Variants in CDK8 observed in about 807,000 individuals in gnomAD.
CDK8 encodes cyclin dependent kinase 8, also known as cyclin-dependent kinase 8.
CDK8 carries 29 observed loss-of-function variants against 71.5 expected under a neutral mutation model. That is an observed-to-expected ratio of 0.41 (90% CI 0.30 to 0.55). The LOEUF is 0.55. Ranked by LOEUF, CDK8 falls within the 20% of genes least tolerant of loss-of-function variation. The pLI, the probability that CDK8 is intolerant of heterozygous loss-of-function variation, is 0.37. For synonymous variants in CDK8, 161 were observed against 192.1 expected (o/e 0.84, Z 1.34); for missense variants, 288 against 572.6 (o/e 0.50, Z 5.07).
intron 1 of CDK8, among the ~76,000 whole-genome samples, chr13:26,287,892 C>T (rs1385811252): frequency 1.3e-5 from 2 of 152,134 alleles, no homozygotes; most frequent in Admixed American, 6.5e-5. Context: ...TTTCTACTAT[C>T]CTGTGACTTG....
chr13:26,343,177 CATT>C (rs1447127664), intron 2 of CDK8, among the ~76,000 whole-genome samples: 2 of 152,198 alleles, frequency 1.3e-5, no homozygotes, highest in African/African-American at 4.8e-5. Context: ...TAGGCGATCT[CATT>C]GTTCTGCCAT....
At chr13:26,317,346 TAGAC>T (rs1874556984) in intron 1 of CDK8, among the ~76,000 whole-genome samples, 1 of 152,024 alleles carries the variant, frequency 6.6e-6, no homozygotes, top group South Asian at 2.1e-4. Context: ...TAGGGAGAGA[TAGAC>T]AGTTCTGTGA....
At chr13:26,342,711 T>C (rs886903078) in intron 2 of CDK8, among the ~76,000 whole-genome samples, 3 of 152,160 alleles carry the variant, frequency 2.0e-5, no homozygotes, top group Admixed American at 2.0e-4. Context: ...TCTCCTAATA[T>C]GTCTCCCTAA....
chr13:26,269,126 A>G (rs1381383342), intron 1 of CDK8, among the ~76,000 whole-genome samples: 1 of 152,220 alleles, frequency 6.6e-6, no homozygotes, highest in East Asian at 1.9e-4. Context: ...GTTTAACAGA[A>G]GTACTCATTC....
intron 1 of CDK8, among the ~76,000 whole-genome samples, chr13:26,318,246 T>C (rs544214952): frequency 1.3e-5 from 2 of 151,760 alleles, no homozygotes; most frequent in African/African-American, 4.8e-5. Context: ...CATGAAGAAA[T>C]AGAAAATCTG....
At chr13:26,366,801 G>C (rs1288478598) in intron 4 of CDK8, among the ~76,000 whole-genome samples, 1 of 152,124 alleles carries the variant, frequency 6.6e-6, no homozygotes, top group Admixed American at 6.5e-5. Context: ...AAGATAGATT[G>C]CTAATTTTTA....
intron 1 of CDK8, among the ~76,000 whole-genome samples, chr13:26,313,838 C>T (rs1046472107): frequency 2.0e-5 from 3 of 151,946 alleles, no homozygotes; most frequent in African/African-American, 7.3e-5. Context: ...GTGGTGTGGA[C>T]AAGAGGTGAC....
rs371715906 is a variant in CDK8, at chr13:26,308,266, G to A, written c.129-29301G>A. ...GCTGGTGACTACTGTATTGGACAGA[G>A]CAGGCATAGGACATTTCCATCTCTC... On this transcript the variant is annotated intron_variant, in intron 1 of 12. Coordinates refer to ENST00000381527, the MANE Select transcript of CDK8 (RefSeq NM_001260.3). Among the ~76,000 whole-genome samples the A allele has an allele frequency of 1.9e-4, 29 of 152,336 alleles. No homozygotes were observed. The East Asian group carries it at 2.5e-3, about 13-fold the overall frequency.
intron 1 of CDK8, among the ~76,000 whole-genome samples, chr13:26,283,705 C>A (rs992068506): frequency 2.0e-4 from 30 of 152,134 alleles, no homozygotes; most frequent in Admixed American, 1.1e-3. Flanking sequence ...TGAGACCAGC[C>A]TGGCCAATTT....
At chr13:26,293,131 G>T (rs1338923352) in intron 1 of CDK8, among the ~76,000 whole-genome samples, 2 of 151,938 alleles carry the variant, frequency 1.3e-5, no homozygotes, top group Non-Finnish European at 2.9e-5. Context: ...TATTTTCTTT[G>T]TTTCTCTAGA....
chr13:26,364,984 G>A (rs1265369077), intron 4 of CDK8, among the ~76,000 whole-genome samples: 1 of 152,086 alleles, frequency 6.6e-6, no homozygotes, highest in Non-Finnish European at 1.5e-5. Context: ...TGAGAGTTGG[G>A]AACCTGTTAA....
At chr13:26,293,031 G>T (rs1379370258) in intron 1 of CDK8, among the ~76,000 whole-genome samples, 1 of 152,142 alleles carries the variant, frequency 6.6e-6, no homozygotes, top group African/African-American at 2.4e-5. Context: ...TGATTCCATG[G>T]TGTAATGGCA....
At chr13:26,287,692 C>T (rs1413404072) in intron 1 of CDK8, among the ~76,000 whole-genome samples, 2 of 152,224 alleles carry the variant, frequency 1.3e-5, no homozygotes, top group African/African-American at 4.8e-5. Context: ...TGCAACCACA[C>T]ACCGCCTGTT....
intron 1 of CDK8, among the ~76,000 whole-genome samples, chr13:26,324,384 T>C (rs1423947285): frequency 6.6e-6 from 1 of 152,176 alleles, no homozygotes; most frequent in Non-Finnish European, 1.5e-5. Flanking sequence ...ACTAAAAAGA[T>C]AGAAATGTTA....
At chr13:26,290,203 G>A (rs548738032) in intron 1 of CDK8, among the ~76,000 whole-genome samples, 3 of 152,258 alleles carry the variant, frequency 2.0e-5, no homozygotes, top group Admixed American at 1.3e-4. Flanking sequence ...GAGTATAACT[G>A]TATTAAAAAG....
intron 1 of CDK8, among the ~76,000 whole-genome samples, chr13:26,306,566 A>AAG (rs1354218549): frequency 6.6e-6 from 1 of 151,646 alleles, no homozygotes; most frequent in African/African-American, 2.4e-5. Flanking sequence ...GTTCAGATTG[A>AAG]AGCAAGGCCA....
chr13:26,380,421 C>T (rs2138042315), intron 4 of CDK8, among the ~76,000 whole-genome samples: 1 of 152,118 alleles, frequency 6.6e-6, no homozygotes, highest in South Asian at 2.1e-4. Context: ...CCTCAGGCGA[C>T]CCGCCCACCT....
intron 2 of CDK8, among the ~76,000 whole-genome samples, chr13:26,344,415 C>T (rs1873374764): frequency 6.6e-6 from 1 of 152,074 alleles, no homozygotes; most frequent in Non-Finnish European, 1.5e-5. Context: ...TACACAGGGT[C>T]AGGATCATGA....
chr13:26,279,513 A>G (rs79788437), intron 1 of CDK8, among the ~76,000 whole-genome samples: 8,163 of 152,150 alleles, frequency 0.054, 265 homozygotes, highest in South Asian at 0.07. Context: ...TTTAATTTAA[A>G]CCTAATCATG....
Sources: gnomAD v4.1 joint callset for allele counts (sites outside exome capture counted in the v4.1 genomes callset) on GRCh38, gnomAD v4.1.1 for gene constraint, MANE v1.5 for transcripts, NCBI Gene and HGNC (gene_info 2026-07-23, HGNC 2026-07-21) for gene names.